RIC1: variants seen among roughly 807,000 people sequenced by gnomAD.
The protein encoded by RIC1 is RIC1 partner of RAB6A GEF complex.
A neutral mutation model predicts 169.0 loss-of-function variants in RIC1; 88 were observed. The ratio of observed to expected loss-of-function variants is 0.52; its 90% CI spans 0.44 to 0.62. The LOEUF (loss-of-function observed/expected upper bound fraction) is 0.62. Among genes scored for constraint, RIC1 ranks in the 20% least tolerant of loss-of-function variants. The pLI, the probability that RIC1 is intolerant of heterozygous loss-of-function variation, is 0.00. For missense variants in RIC1, 1,877 were observed against 1,725.5 expected, an observed-to-expected ratio of 1.09 and a Z score of -1.56; for synonymous variants, 790 against 601.5, an observed-to-expected ratio of 1.31 and a Z score of -4.59.
chr9:5,664,507 G>A (rs759828197), intron 2 of RIC1, among the ~76,000 whole-genome samples: 5 of 151,886 alleles, frequency 3.3e-5, no homozygotes, highest in Non-Finnish European at 5.9e-5. Flanking sequence ...CCTCCCCTTC[G>A]TAGGTGACCT....
intron 2 of RIC1, among the ~76,000 whole-genome samples, chr9:5,688,045 A>C (rs1440647652): frequency 6.6e-6 from 1 of 152,024 alleles, no homozygotes; most frequent in East Asian, 1.9e-4. Context: ...CTGTTTCTAG[A>C]GTTTTGTTTG....
At chr9:5,757,134 C>T (rs530009245) in intron 16 of RIC1, among the ~76,000 whole-genome samples, 179 bp from the exon 17 acceptor site, 1 of 152,280 alleles carries the variant, frequency 6.6e-6, no homozygotes, top group South Asian at 2.1e-4. Flanking sequence ...TCCCCATATA[C>T]TCTGGTTCCC....
intron 23 of RIC1, among the ~76,000 whole-genome samples, chr9:5,770,485 T>C (rs1427087037): frequency 6.6e-6 from 1 of 152,198 alleles, no homozygotes; most frequent in East Asian, 1.9e-4. Context: ...ACAAAATAAA[T>C]AGTACAGATC....
chr9:5,651,521 G>C (rs566000851), intron 1 of RIC1, among the ~76,000 whole-genome samples: 9 of 132,880 alleles, frequency 6.8e-5, no homozygotes, highest in Non-Finnish European at 1.3e-4. Flanking sequence ...TCTTCCAGTA[G>C]TTTCATAGTT....
At position 5,774,301 on chromosome 9, in the gene RIC1, G is replaced by C. The variant is rs1827455257; in HGVS notation, c.*55G>C. Reference sequence around the variant, plus strand: ...TTAATTAGCAGCAGCGTGCAGCTCAGTACGTTGTAACATAGTTGGATGATT... The same window carrying C: ...TTAATTAGCAGCAGCGTGCAGCTCACTACGTTGTAACATAGTTGGATGATT... On this transcript the variant is annotated 3_prime_UTR_variant, in exon 26 of 26. Transcript: ENST00000414202. 8 of 1,444,120 alleles carry C rather than the reference G, an allele frequency of 5.5e-6. No homozygotes were observed. In the Admixed American group the frequency reaches 8.3e-5, roughly 15 times the overall value. The allele number at this position is 1,444,120 out of a possible 1,614,324, so 89.5% of individuals were successfully genotyped here. A position where few individuals can be genotyped will look rare whatever the true frequency, so the allele number is the denominator to read the frequency against.
At chr9:5,734,843 A>G (rs748845260) in intron 7 of RIC1, among the ~76,000 whole-genome samples, 7 of 152,218 alleles carry the variant, frequency 4.6e-5, no homozygotes, top group Non-Finnish European at 1.0e-4. Flanking sequence ...AGCATAATTT[A>G]TCCACTTTGC....
intron 11 of RIC1, among the ~76,000 whole-genome samples, chr9:5,746,662 C>T (rs1308129979): frequency 6.6e-6 from 1 of 152,136 alleles, no homozygotes; most frequent in Non-Finnish European, 1.5e-5. Context: ...CCGCCCCAAA[C>T]ACTGCCTCTT....
chr9:5,671,784 T>C (rs981139248), intron 2 of RIC1, among the ~76,000 whole-genome samples: 3 of 152,178 alleles, frequency 2.0e-5, no homozygotes, highest in Non-Finnish European at 4.4e-5. Context: ...CATCAAGATA[T>C]CAAGTTCTTT....
intron 1 of RIC1, among the ~76,000 whole-genome samples, chr9:5,653,913 C>G (rs1367012488): frequency 6.6e-6 from 1 of 152,104 alleles, no homozygotes; most frequent in Non-Finnish European, 1.5e-5. Context: ...ATTTATTTAG[C>G]TCTTCTTTGG....
intron 1 of RIC1, among the ~76,000 whole-genome samples, chr9:5,651,089 C>CT (rs889831020): frequency 2.0e-5 from 3 of 152,160 alleles, no homozygotes; most frequent in Non-Finnish European, 4.4e-5. Flanking sequence ...CACATGGTCT[C>CT]TAAGAAGTTC....
intron 8 of RIC1, among the ~76,000 whole-genome samples, chr9:5,740,390 C>T (rs1333860427): frequency 2.0e-5 from 3 of 151,958 alleles, no homozygotes; most frequent in Non-Finnish European, 4.4e-5. Context: ...ATATTCTGTA[C>T]CTCTAGAATC....
intron 1 of RIC1, among the ~76,000 whole-genome samples, chr9:5,648,593 C>G (rs1339637847): frequency 6.6e-6 from 1 of 152,102 alleles, no homozygotes; most frequent in Non-Finnish European, 1.5e-5. Flanking sequence ...TTCGAGAAAT[C>G]TTCATACTGT....
chr9:5,696,235 T>G (rs1303615094), intron 3 of RIC1, among the ~76,000 whole-genome samples: 1 of 152,152 alleles, frequency 6.6e-6, no homozygotes, highest in East Asian at 1.9e-4. Context: ...CATAATGAAG[T>G]TTATCATTTG....
chr9:5,777,352 TCTAATTCCACACAAA>T (rs1381035566), downstream of RIC1, among the ~76,000 whole-genome samples: 5 of 151,060 alleles, frequency 3.3e-5, no homozygotes, highest in African/African-American at 1.2e-4. Context: ...AAGGGGAGGA[TCTAATTCCACACAAA>T]ATGGAAGACT....
intron 14 of RIC1, among the ~76,000 whole-genome samples, chr9:5,754,023 C>T (rs1284401393): frequency 2.6e-5 from 4 of 151,890 alleles, no homozygotes; most frequent in African/African-American, 7.3e-5. Flanking sequence ...AGTGAGTGTG[C>T]GTGTGTGTAT....
chr9:5,696,783 A>C (rs992482055), intron 3 of RIC1, among the ~76,000 whole-genome samples: 2 of 152,214 alleles, frequency 1.3e-5, no homozygotes, highest in East Asian at 1.9e-4. Flanking sequence ...TGGATGTTAG[A>C]TACTGTATTA....
intron 3 of RIC1, 22 bp downstream of exon 3, chr9:5,690,060 CT>C: frequency 6.8e-7 from 1 of 1,466,030 alleles, no homozygotes. Context: ...GCCTTTCATT[CT>C]TTTAATATGT....
chr9:5,665,277 C>T (rs527791188), intron 2 of RIC1, among the ~76,000 whole-genome samples: 3 of 152,172 alleles, frequency 2.0e-5, no homozygotes, highest in Non-Finnish European at 4.4e-5. Context: ...GTGTTAAAGT[C>T]TCCCACTATT....
intron 2 of RIC1, among the ~76,000 whole-genome samples, chr9:5,684,137 G>A (rs868582028): frequency 1.6e-4 from 24 of 152,074 alleles, no homozygotes; most frequent in Non-Finnish European, 2.6e-4. Context: ...CGCACAGTGC[G>A]CTGCACCCAC....
Sources: gnomAD v4.1 joint callset for allele counts (sites outside exome capture counted in the v4.1 genomes callset) on GRCh38, gnomAD v4.1.1 for gene constraint, MANE v1.5 for transcripts, NCBI Gene and HGNC (gene_info 2026-07-23, HGNC 2026-07-21) for gene names.